The following DGKB variants were observed in gnomAD, a reference collection of about 807,000 sequenced individuals.
DGKB encodes diacylglycerol kinase beta.
Under a neutral mutation model 114.3 loss-of-function variants are expected in DGKB, and 67 were observed. The ratio of observed to expected loss-of-function variants is 0.59; its 90% confidence interval spans 0.48 to 0.72. DGKB has a LOEUF of 0.72. DGKB is among the 30% of genes least tolerant of loss of function. The probability of loss-of-function intolerance (pLI) is 0.00; values close to 1 mark genes in which losing one functional copy is unlikely to be tolerated. For missense variants in DGKB, 907 were observed against 975.2 expected, an observed-to-expected ratio of 0.93 and a Z score of 0.93; for synonymous variants, 398 against 323.1, an observed-to-expected ratio of 1.23 and a Z score of -2.49.
intron 1 of DGKB, among the ~76,000 whole-genome samples, chr7:14,908,815 A>G (rs1274382449): frequency 6.6e-6 from 1 of 152,208 alleles, no homozygotes; most frequent in Non-Finnish European, 1.5e-5. Context: ...GCATATACAT[A>G]TAGACTGGTT....
chr7:14,573,917 C>A (rs1798744742), intron 20 of DGKB, among the ~76,000 whole-genome samples: 1 of 152,014 alleles, frequency 6.6e-6, no homozygotes, highest in Admixed American at 6.6e-5. Context: ...TATATTAAAT[C>A]ATTCTAAGCT....
chr7:14,706,280 C>T (rs1410917256), intron 6 of DGKB, among the ~76,000 whole-genome samples: 42 of 144,352 alleles, frequency 2.9e-4, no homozygotes, highest in African/African-American at 8.2e-4. Context: ...CCTAAATATA[C>T]ATGCACCCAA....
At chr7:14,607,396 A>T in intron 17 of DGKB, 38 bp downstream of exon 17, 1 of 1,013,852 alleles carries the variant, frequency 9.9e-7, no homozygotes, top group Non-Finnish European at 1.5e-6. Flanking sequence ...AATTAACATT[A>T]ACTGAGTTAA....
At chr7:14,946,668 G>A (rs114703768) in intron 1 of DGKB, among the ~76,000 whole-genome samples, 2,192 of 151,762 alleles carry the variant, frequency 0.014, 54 homozygotes, top group African/African-American at 0.05. Flanking sequence ...TGGGAAACAA[G>A]GAAGTTTTCA....
chr7:14,560,880 G>T (rs373170721), intron 20 of DGKB, among the ~76,000 whole-genome samples: 2 of 152,130 alleles, frequency 1.3e-5, no homozygotes, highest in East Asian at 3.9e-4. Context: ...TCTGACAATA[G>T]CCATTCTAGC....
intron 23 of DGKB, chr7:14,209,544 C>T (rs751003302): frequency 7.6e-5 from 38 of 500,182 alleles, no homozygotes; most frequent in Non-Finnish European, 1.4e-4. Context: ...GCACAGAGCT[C>T]CACTCCTATT....
At chr7:14,337,107 C>T (rs914952850) in intron 23 of DGKB, among the ~76,000 whole-genome samples, 17 of 151,920 alleles carry the variant, frequency 1.1e-4, no homozygotes, top group Non-Finnish European at 2.1e-4. Context: ...GGTCCTTAAG[C>T]TAATTGCAAT....
intron 20 of DGKB, among the ~76,000 whole-genome samples, chr7:14,495,203 A>G (rs1785125981): frequency 6.6e-6 from 1 of 151,892 alleles, no homozygotes. Flanking sequence ...AAGTGAACAC[A>G]TAAGAATCTA....
chr7:14,783,141 C>G lies in DGKB; in HGVS notation c.71-25410G>C, dbSNP rs77830284. Among the ~76,000 whole-genome samples the G allele has an allele frequency of 1.7e-3, 259 of 152,124 alleles. 6 individuals carry two copies. The East Asian group carries it at 0.047, about 28-fold the overall frequency. On this transcript the variant is annotated intron_variant, in intron 2 of 25. Coordinates refer to ENST00000402815, the MANE Select transcript of DGKB (RefSeq NM_001350709.2). The stretch of plus-strand genomic sequence containing the variant: ...GATCATTTCAATCCTTTTCACCATC[C>G]CTGGTAAGTAATAAACATATAGTAA...
intron 25 of DGKB, among the ~76,000 whole-genome samples, chr7:14,154,778 TGAG>T (rs1782741902): frequency 6.6e-6 from 1 of 150,386 alleles, no homozygotes; most frequent in South Asian, 2.1e-4. Context: ...TAGCATCTAA[TGAG>T]AAGATCTGTT....
chr7:14,149,166 G>A lies in DGKB; in HGVS notation c.2377C>T (p.Leu793Phe). 1 of 1,613,574 alleles carries A rather than the reference G, an allele frequency of 6.2e-7. No individual in the cohort carries two copies. Among genetic ancestry groups the A allele is most frequent in the Middle Eastern group, 1.7e-4 (1 of 6,056 alleles). Residue 793 changes from leucine to phenylalanine, a missense_variant, in exon 26 of 26, where the codon CTC becomes TTC. By Grantham distance (22) the Leu-to-Phe change is conservative (BLOSUM62 0). Around this residue, in one of 3 missense-constraint regions of DGKB, gnomAD observed 58 missense variants for 52.5 expected, o/e 1.10. Coordinates refer to ENST00000402815, the MANE Select transcript of DGKB (RefSeq NM_001350709.2). ...PPPKTGLFCS[L>F]VKRTRNRSKE ...CTTCGGTTTCTTGTCCTTTTGACGAGGGAGCAGAATAAACCGGTTTTTGGA... is the reference window on the plus strand; with the variant it reads ...CTTCGGTTTCTTGTCCTTTTGACGAAGGAGCAGAATAAACCGGTTTTTGGA...
Position 14,572,360 on chromosome 7 carries a change from G to A in DGKB, c.1770+1852C>T, listed in dbSNP as rs545070378. 1.7e-3 allele frequency among the ~76,000 whole-genome samples: 261 copies of A among 151,690 alleles called. 5 individuals are homozygous for A. The highest frequency in any genetic ancestry group is 1.1e-3 in the Non-Finnish European group (73 of 67,906). On this transcript the variant is annotated intron_variant, in intron 20 of 25. Transcript: ENST00000402815. ...CCAGCTACTCGGGAGGCTGAGGCAG[G>A]AGAATGTCGTGAACCCAGGAGGTGG...
intron 1 of DGKB, among the ~76,000 whole-genome samples, chr7:14,888,193 T>C (rs1780613807): frequency 6.6e-6 from 1 of 151,654 alleles, no homozygotes; most frequent in Non-Finnish European, 1.5e-5. Flanking sequence ...CAAAGCCAAT[T>C]TAAGTATGAT....
intron 20 of DGKB, among the ~76,000 whole-genome samples, chr7:14,491,132 G>C (rs1019920436): frequency 8.5e-5 from 13 of 152,066 alleles, no homozygotes; most frequent in African/African-American, 3.1e-4. Context: ...GTTTGGCTGT[G>C]TCCCCACCCA....
At chr7:14,225,882 A>G (rs1334775443) in intron 23 of DGKB, among the ~76,000 whole-genome samples, 1 of 151,970 alleles carries the variant, frequency 6.6e-6, no homozygotes, top group East Asian at 1.9e-4. Flanking sequence ...TTTACTACTT[A>G]AAAATTTAGA....
chr7:14,421,613 C>T (rs1266479280), intron 21 of DGKB, among the ~76,000 whole-genome samples: 1 of 151,974 alleles, frequency 6.6e-6, no homozygotes, highest in Non-Finnish European at 1.5e-5. Flanking sequence ...AATGTTTTGC[C>T]TTTCAATCTT....
chr7:14,560,190 G>A (rs1197983107), intron 20 of DGKB, among the ~76,000 whole-genome samples: 1 of 149,780 alleles, frequency 6.7e-6, no homozygotes, highest in African/African-American at 2.5e-5. Context: ...TTTTTTTATT[G>A]TTGTAAGAAC....
At chr7:14,828,244 T>G (rs1396467993) in intron 2 of DGKB, among the ~76,000 whole-genome samples, 1 of 152,068 alleles carries the variant, frequency 6.6e-6, no homozygotes, top group Admixed American at 6.6e-5. Flanking sequence ...ATATATAGCC[T>G]AGTGCCAAGC....
At chr7:14,785,784 A>G (rs1039305674) in intron 2 of DGKB, among the ~76,000 whole-genome samples, 1 of 152,098 alleles carries the variant, frequency 6.6e-6, no homozygotes, top group African/African-American at 2.4e-5. Flanking sequence ...TTTCTGAAAC[A>G]CCACGTGAAA....
Sources: gnomAD v4.1 joint callset for allele counts (sites outside exome capture counted in the v4.1 genomes callset) on GRCh38, gnomAD v4.1.1 for gene constraint, gnomAD v4.1.1 regional missense constraint, MANE v1.5 for transcripts, NCBI Gene and HGNC (gene_info 2026-07-23, HGNC 2026-07-21) for gene names.